MMP26: variants seen among roughly 807,000 people sequenced by gnomAD.
MMP26 encodes the protein matrix metalloproteinase-26.
In MMP26, 33 loss-of-function variants were observed where a neutral mutation model predicts 31.0. The observed-to-expected ratio is 1.06, with a 90% CI of 0.81 to 1.42. MMP26 has a LOEUF of 1.42. Among genes scored for constraint, MMP26 ranks in the 40% most tolerant of loss-of-function variants. The pLI is 0.00. For missense variants in MMP26, 347 were observed against 316.1 expected (o/e 1.10, Z -0.74); for synonymous variants, 122 against 114.9 (o/e 1.06, Z -0.40).
rs1846218904 is a variant in MMP26 at position 4,942,110 on chromosome 11, A to AAAAAAAAAAAAAAAAAAAAAAAG, written c.-144-45958_-144-45957insAAAAAAAAAAAAAAAAAAAAAAG. ...ATCTCAAAAAAAAAAAAAAAAAAAA[A>AAAAAAAAAAAAAAAAAAAAAAAG]GGAAGTAAAACCCTACTCAGACTGC... is the stretch of plus-strand genomic sequence containing the variant. On this transcript the variant is annotated intron_variant, in intron 2 of 7. Transcript: ENST00000380390. 2.2e-5 allele frequency among the ~76,000 whole-genome samples: 3 copies of AAAAAAAAAAAAAAAAAAAAAAAG among 138,592 alleles called. 1 individual carries two copies. In the South Asian group the frequency reaches 7.1e-4, roughly 33 times the overall value. 90.9% of individuals were successfully genotyped at this position (138,592 alleles called of 152,430 possible). A position where few individuals can be genotyped will look rare whatever the true frequency, so the allele number is the denominator to read the frequency against.
intron 2 of MMP26, among the ~76,000 whole-genome samples, chr11:4,891,213 G>A (rs948956231): frequency 2.8e-4 from 43 of 152,042 alleles, no homozygotes; most frequent in Admixed American, 2.8e-3. Flanking sequence ...AGGTTTAATT[G>A]GATCGTGGTT....
At chr11:4,803,532 A>G (rs751541236) in intron 2 of MMP26, 11 of 1,614,118 alleles carry the variant, frequency 6.8e-6, no homozygotes, top group South Asian at 3.3e-5. Flanking sequence ...GTATCAGTAG[A>G]TAGAGATTAG....
In MMP26 at chr11:4,974,442, A is replaced by C. The variant is rs191380946; in HGVS notation, c.-144-13626A>C. Among the ~76,000 whole-genome samples, 21 of 152,122 alleles carry C rather than the reference A, an allele frequency of 1.4e-4. No individual in the cohort carries two copies. The East Asian group carries it at 3.9e-3, about 28-fold the overall frequency. On this transcript the variant is annotated intron_variant, in intron 2 of 7. Transcript: ENST00000380390. The stretch of plus-strand genomic sequence containing the variant: ...CTTTTCCTTTCCTCGAATCTTTTAT[A>C]TCTCTCAAAAATACGTTGTCATTCT...
At chr11:4,900,264 G>C (rs1850780972) in intron 2 of MMP26, among the ~76,000 whole-genome samples, 1 of 152,166 alleles carries the variant, frequency 6.6e-6, no homozygotes, top group Non-Finnish European at 1.5e-5. Flanking sequence ...TAAGCCCTGA[G>C]ATACTAGGTT....
At chr11:4,870,850 C>G (rs994712508) in intron 2 of MMP26, among the ~76,000 whole-genome samples, 1 of 151,992 alleles carries the variant, frequency 6.6e-6, no homozygotes, top group Non-Finnish European at 1.5e-5. Context: ...AGTATTGTAG[C>G]CTGAAGATAT....
chr11:4,746,746 A>G (rs1038693504), intron 1 of MMP26, among the ~76,000 whole-genome samples: 1 of 151,676 alleles, frequency 6.6e-6, no homozygotes, highest in East Asian at 2.0e-4. Context: ...AGGCAGGAGA[A>G]TCACTTGAAC....
chr11:4,709,493 A>T, intron 1 of MMP26: 2 of 366,436 alleles, frequency 5.5e-6, no homozygotes, highest in South Asian at 4.2e-5. Flanking sequence ...GTATAGAAGA[A>T]AGTGAAAATG....
chr11:4,915,821 C>T (rs1851080106), intron 2 of MMP26: 1 of 521,142 alleles, frequency 1.9e-6, no homozygotes, highest in Non-Finnish European at 3.4e-6. Context: ...TCTTTCTGGT[C>T]CTTGACTTCC....
At position 4,992,216 on chromosome 11, in the gene MMP26, G is replaced by T; in HGVS notation, c.760G>T (p.Glu254Ter). Reference protein sequence around the residue: ...DIQRIQHLYGEKCSSDIP With the variant: ...DIQRIQHLYG ...GTTTTTTTTTTCTGTTTCCATAGGA[G>T]AAAAATGTTCATCTGACATACCTTA... is the stretch of plus-strand genomic sequence containing the variant. Residue 254 changes from glutamate (E) to a stop codon, truncating the protein, a stop_gained and splice_region_variant, in exon 8 of 8, where the codon GAA (glutamate) becomes TAA (stop). Transcript: ENST00000380390. LOFTEE classifies it high-confidence loss of function. The T allele has an allele frequency of 6.2e-7, 1 of 1,610,186 alleles. No homozygotes were observed. Among genetic ancestry groups the T allele is most frequent in the Non-Finnish European group, 8.5e-7 (1 of 1,178,228 alleles).
At chr11:4,902,172 C>G (rs918430256) in intron 2 of MMP26, among the ~76,000 whole-genome samples, 2 of 152,282 alleles carry the variant, frequency 1.3e-5, no homozygotes, top group African/African-American at 4.8e-5. Context: ...TACCTTTCCT[C>G]TGGGTACTAT....
At chr11:4,896,647 C>T (rs973734645) in intron 2 of MMP26, among the ~76,000 whole-genome samples, 1 of 152,148 alleles carries the variant, frequency 6.6e-6, no homozygotes, top group Non-Finnish European at 1.5e-5. Context: ...TGTTTCTTTG[C>T]TGCTGCTTCT....
chr11:4,856,564 T>G (rs909208991), intron 2 of MMP26, among the ~76,000 whole-genome samples: 1 of 152,120 alleles, frequency 6.6e-6, no homozygotes, highest in Non-Finnish European at 1.5e-5. Flanking sequence ...GCACCCAGAT[T>G]CATAAAGCAA....
intron 1 of MMP26, among the ~76,000 whole-genome samples, chr11:4,740,412 G>C (rs1031073959): frequency 1.3e-5 from 2 of 152,048 alleles, no homozygotes; most frequent in African/African-American, 4.8e-5. Context: ...GGCTGGGGGC[G>C]GTGGCTCATG....
intron 2 of MMP26, among the ~76,000 whole-genome samples, chr11:4,813,241 A>G (rs1430039859): frequency 6.6e-6 from 1 of 152,120 alleles, no homozygotes; most frequent in East Asian, 1.9e-4. Flanking sequence ...AGTTTTAATG[A>G]AATTGTTTAT....
intron 2 of MMP26, among the ~76,000 whole-genome samples, chr11:4,780,937 A>G (rs1446821819): frequency 6.6e-6 from 1 of 152,042 alleles, no homozygotes; most frequent in Non-Finnish European, 1.5e-5. Flanking sequence ...ACATAACTAT[A>G]TATGCTATGT....
At chr11:4,805,081 T>C (rs577284355) in intron 2 of MMP26, among the ~76,000 whole-genome samples, 6 of 152,176 alleles carry the variant, frequency 3.9e-5, no homozygotes, top group Non-Finnish European at 7.3e-5. Context: ...TCTATAGAAC[T>C]AACAGCTGAT....
intron 2 of MMP26, among the ~76,000 whole-genome samples, chr11:4,835,562 A>C (rs1341005554): frequency 6.6e-6 from 1 of 152,186 alleles, no homozygotes; most frequent in African/African-American, 2.4e-5. Flanking sequence ...GCCAGTGTAC[A>C]GGAGAGAGTG....
chr11:4,872,445 T>A (rs1850323258), intron 2 of MMP26, among the ~76,000 whole-genome samples: 1 of 152,066 alleles, frequency 6.6e-6, no homozygotes, highest in Admixed American at 6.6e-5. Context: ...AGTATGTGAT[T>A]CTACCAAAAA....
At chr11:4,872,835 G>A (rs1850329229) in intron 2 of MMP26, among the ~76,000 whole-genome samples, 1 of 152,016 alleles carries the variant, frequency 6.6e-6, no homozygotes. Flanking sequence ...TGTGAGGAAA[G>A]TTTAGGGTCA....
Sources: allele counts gnomAD v4.1 joint callset (sites outside exome capture counted in the v4.1 genomes callset), GRCh38; gene constraint gnomAD v4.1.1; transcripts MANE v1.5; gene names NCBI Gene and HGNC (gene_info 2026-07-23, HGNC 2026-07-21).